The following LRRC4C variants were observed in gnomAD, a reference collection of about 807,000 sequenced individuals.
The protein encoded by LRRC4C is leucine rich repeat containing 4C.
A neutral mutation model predicts 33.6 loss-of-function variants in LRRC4C; 5 were observed. The ratio of observed to expected loss-of-function variants is 0.15; its 90% CI spans 0.08 to 0.31. The LOEUF (loss-of-function observed/expected upper bound fraction) is 0.31. Ranked by LOEUF, LRRC4C falls within the 10% of genes least tolerant of loss-of-function variation. The probability of loss-of-function intolerance (pLI) is 1.00; values close to 1 mark genes in which losing one functional copy is unlikely to be tolerated. For missense variants in LRRC4C, 560 were observed against 796.7 expected (o/e 0.70, Z 3.58); for synonymous variants, 329 against 302.0 (o/e 1.09, Z -0.93).
intron 1 of LRRC4C, among the ~76,000 whole-genome samples, chr11:41,280,014 T>C (rs886114736): frequency 1.3e-5 from 2 of 152,164 alleles, no homozygotes; most frequent in Non-Finnish European, 1.5e-5. Flanking sequence ...TAATTCCTGA[T>C]ACCTAAATAG....
chr11:41,190,978 G>A (rs1174123887), intron 1 of LRRC4C, among the ~76,000 whole-genome samples: 1 of 152,174 alleles, frequency 6.6e-6, no homozygotes, highest in Non-Finnish European at 1.5e-5. Context: ...AAGTGTGATA[G>A]CATCAGCTGG....
At position 40,852,725 on chromosome 11, in the gene LRRC4C, A is replaced by G. The variant is rs533876637; in HGVS notation, c.-407+80910T>C. Reference sequence around the variant, plus strand: ...GTCAACAACCAAGAACATTAGTATGATGACATAATTAATAGGAATAGAACT... The same window carrying G: ...GTCAACAACCAAGAACATTAGTATGGTGACATAATTAATAGGAATAGAACT... On this transcript the variant is annotated intron_variant, in intron 2 of 6. Coordinates refer to ENST00000528697, the MANE Select transcript of LRRC4C (RefSeq NM_001258419.2). Among the ~76,000 whole-genome samples the G allele has an allele frequency of 4.6e-5, 7 of 152,346 alleles. 1 individual carries two copies. The South Asian group carries it at 1.2e-3, about 27-fold the overall frequency.
intron 1 of LRRC4C, among the ~76,000 whole-genome samples, chr11:41,360,183 AAAAC>A (rs375099968): frequency 1.1e-4 from 17 of 152,222 alleles, no homozygotes; most frequent in East Asian, 5.8e-4. Flanking sequence ...ACCCTGTCTC[AAAAC>A]AAACAAACAA....
At chr11:41,360,171 G>A (rs1952302920) in intron 1 of LRRC4C, among the ~76,000 whole-genome samples, 2 of 151,990 alleles carry the variant, frequency 1.3e-5, no homozygotes, top group African/African-American at 4.8e-5. Context: ...TGACAAAGGG[G>A]GACCCTGTCT....
At chr11:40,794,208 C>T (rs937590204) in intron 2 of LRRC4C, among the ~76,000 whole-genome samples, 1 of 151,992 alleles carries the variant, frequency 6.6e-6, no homozygotes, top group Non-Finnish European at 1.5e-5. Context: ...GTTCAGGAAT[C>T]TTCTATTAGT....
intron 3 of LRRC4C, among the ~76,000 whole-genome samples, chr11:40,321,134 G>A (rs999152697): frequency 1.3e-5 from 2 of 152,152 alleles, no homozygotes; most frequent in Non-Finnish European, 2.9e-5. Context: ...AAGGACTGGG[G>A]AAACCACCAA....
At position 41,044,675 on chromosome 11, in the gene LRRC4C, T is replaced by G. The variant is rs193019483; in HGVS notation, c.-495-110952A>C. Among the ~76,000 whole-genome samples the G allele has an allele frequency of 2.5e-3, 383 of 152,242 alleles. 3 individuals are homozygous for G. The highest frequency in any genetic ancestry group is 4.2e-3 in the Non-Finnish European group (287 of 67,992). On this transcript the variant is annotated intron_variant, in intron 1 of 6. Coordinates refer to ENST00000528697, the MANE Select transcript of LRRC4C (RefSeq NM_001258419.2). ...AGTTCAGCTAACAGTGAAGACAATG[T>G]TTACCAGTTTCACAACAGATCAAGT...
intron 4 of LRRC4C, among the ~76,000 whole-genome samples, chr11:40,306,866 T>C (rs1225327425): frequency 1.3e-5 from 2 of 152,176 alleles, no homozygotes; most frequent in Non-Finnish European, 2.9e-5. Flanking sequence ...AGATGTGCTA[T>C]GTAATCTCAA....
At chr11:40,495,736 A>G (rs1289407647) in intron 3 of LRRC4C, among the ~76,000 whole-genome samples, 1 of 149,392 alleles carries the variant, frequency 6.7e-6, no homozygotes. Flanking sequence ...AATGCAACTC[A>G]CTATCCACTA....
intron 1 of LRRC4C, among the ~76,000 whole-genome samples, chr11:40,972,384 A>G (rs1296011861): frequency 6.6e-6 from 1 of 151,902 alleles, no homozygotes; most frequent in Non-Finnish European, 1.5e-5. Context: ...TGATCTTCCC[A>G]CCTCGGCTTC....
chr11:41,305,234 G>C (rs1203682419), intron 1 of LRRC4C, among the ~76,000 whole-genome samples: 2 of 52,366 alleles, frequency 3.8e-5, no homozygotes, highest in African/African-American at 9.8e-5. Context: ...AGGTGGGGGG[G>C]TCAGCCCCCC....
chr11:41,301,376 A>G (rs1206566683), intron 1 of LRRC4C, among the ~76,000 whole-genome samples: 1 of 152,332 alleles, frequency 6.6e-6, no homozygotes, highest in Middle Eastern at 3.4e-3. Flanking sequence ...TGAGTTGCTA[A>G]AAGCTTTGTT....
rs188417986 is a variant in LRRC4C, at chr11:41,169,208, C to T, written c.-495-235485G>A. ...AACATTTTTCAAAACATTGCTTATGCCATTTCTTATTTATTCTTTTACATT... is the reference window on the plus strand; with the variant it reads ...AACATTTTTCAAAACATTGCTTATGTCATTTCTTATTTATTCTTTTACATT... On this transcript the variant is annotated intron_variant, in intron 1 of 6. Coordinates refer to ENST00000528697, the MANE Select transcript of LRRC4C (RefSeq NM_001258419.2). 3.0e-3 allele frequency among the ~76,000 whole-genome samples: 460 copies of T among 152,242 alleles called. 2 individuals carry two copies. The highest frequency in any genetic ancestry group is 5.7e-3 in the Non-Finnish European group (390 of 67,994).
intron 1 of LRRC4C, among the ~76,000 whole-genome samples, chr11:41,093,950 A>AAC (rs1555071891): frequency 8.4e-5 from 12 of 143,548 alleles, no homozygotes; most frequent in Non-Finnish European, 1.5e-4. Context: ...AAAAAAAAAA[A>AAC]CACACAAAAA....
At chr11:40,211,067 G>A (rs188740987) in intron 5 of LRRC4C, among the ~76,000 whole-genome samples, 132 of 152,202 alleles carry the variant, frequency 8.7e-4, no homozygotes, top group African/African-American at 3.1e-3. Context: ...CTGAGCAACT[G>A]CTCCCAGCCA....
intron 1 of LRRC4C, among the ~76,000 whole-genome samples, chr11:41,087,706 A>AT (rs1565371598): frequency 6.6e-6 from 1 of 152,138 alleles, no homozygotes; most frequent in Non-Finnish European, 1.5e-5. Context: ...TTCAAAAGCT[A>AT]TTTGTGCCCT....
intron 1 of LRRC4C, among the ~76,000 whole-genome samples, chr11:41,272,172 T>A (rs897094679): frequency 4.6e-5 from 7 of 152,140 alleles, no homozygotes; most frequent in Non-Finnish European, 7.4e-5. Flanking sequence ...GTCAAACCCC[T>A]TTCAGGTGTT....
chr11:40,339,344 C>T (rs762346673), intron 3 of LRRC4C, among the ~76,000 whole-genome samples: 5 of 152,120 alleles, frequency 3.3e-5, no homozygotes, highest in African/African-American at 7.2e-5. Context: ...AAAAACACCT[C>T]GAACTCCATA....
chr11:40,841,604 C>T (rs1952917174), intron 2 of LRRC4C, among the ~76,000 whole-genome samples: 2 of 152,182 alleles, frequency 1.3e-5, no homozygotes, highest in African/African-American at 2.4e-5. Context: ...GAGCCCTCAC[C>T]AGAAACTGAA....
Sources: gnomAD v4.1 joint callset for allele counts (sites outside exome capture counted in the v4.1 genomes callset) on GRCh38, gnomAD v4.1.1 for gene constraint, MANE v1.5 for transcripts, NCBI Gene and HGNC (gene_info 2026-07-23, HGNC 2026-07-21) for gene names.